VPS13B: variants seen among roughly 807,000 people sequenced by gnomAD.
VPS13B encodes the protein intermembrane lipid transfer protein VPS13B.
A neutral mutation model predicts 426.4 loss-of-function variants in VPS13B; 285 were observed. The ratio of observed to expected loss-of-function variants is 0.67; its 90% CI spans 0.61 to 0.74. VPS13B has a LOEUF of 0.74. VPS13B is among the 30% of genes least tolerant of loss of function. The pLI, the probability that VPS13B is intolerant of heterozygous loss-of-function variation, is 0.00. For synonymous variants in VPS13B, 1,676 were observed against 1,676.4 expected (o/e 1.00, Z 0.01); for missense variants, 4,537 against 4,782.6 (o/e 0.95, Z 1.51).
chr8:99,465,541 A>G (rs533440549), intron 23 of VPS13B, among the ~76,000 whole-genome samples: 20 of 152,162 alleles, frequency 1.3e-4, no homozygotes, highest in Admixed American at 3.9e-4. Context: ...AACAAATTTT[A>G]ATCTGGTCCC....
intron 33 of VPS13B, among the ~76,000 whole-genome samples, chr8:99,583,260 A>C (rs1266513944): frequency 6.6e-6 from 1 of 152,220 alleles, no homozygotes; most frequent in Non-Finnish European, 1.5e-5. Flanking sequence ...TTAGAGAAAA[A>C]TCTAGGGAAC....
At chr8:99,338,588 T>G (rs1294932137) in intron 19 of VPS13B, among the ~76,000 whole-genome samples, 1 of 152,168 alleles carries the variant, frequency 6.6e-6, no homozygotes, top group Non-Finnish European at 1.5e-5. Flanking sequence ...ATATTTAATT[T>G]TAGCTTTTAT....
chr8:99,737,985 G>A (rs1453096425), intron 39 of VPS13B, among the ~76,000 whole-genome samples: 1 of 152,214 alleles, frequency 6.6e-6, no homozygotes. Flanking sequence ...CCAGTGAAGA[G>A]AGATGACCAA....
intron 39 of VPS13B, among the ~76,000 whole-genome samples, chr8:99,721,838 T>C (rs1402858593): frequency 1.3e-5 from 2 of 152,226 alleles, no homozygotes; most frequent in Non-Finnish European, 2.9e-5. Flanking sequence ...CTGATACAAC[T>C]TGAGTTCAAG....
chr8:99,752,078 G>C (rs1371579095), intron 39 of VPS13B, among the ~76,000 whole-genome samples: 1 of 152,104 alleles, frequency 6.6e-6, no homozygotes, highest in Non-Finnish European at 1.5e-5. Context: ...TGGGTTTGTG[G>C]CATGCGCCTG....
At chr8:99,084,026 G>A (rs1460134742) in intron 3 of VPS13B, among the ~76,000 whole-genome samples, 1 of 152,282 alleles carries the variant, frequency 6.6e-6, no homozygotes, top group East Asian at 1.9e-4. Flanking sequence ...AGTTTCAGAA[G>A]GAATGGTACC....
At chr8:99,234,474 G>T in intron 17 of VPS13B, 2 of 552,816 alleles carry the variant, frequency 3.6e-6, no homozygotes, top group East Asian at 4.9e-5. Context: ...CCTCGCCGCC[G>T]CCCCGCCCCG....
chr8:99,434,655 A>C (rs966341491), intron 22 of VPS13B, among the ~76,000 whole-genome samples: 1 of 152,210 alleles, frequency 6.6e-6, no homozygotes, highest in South Asian at 2.1e-4. Flanking sequence ...AGGAGCCAAT[A>C]ATCTTGATTT....
At chr8:99,645,298 A>C (rs2133937134) in intron 34 of VPS13B, among the ~76,000 whole-genome samples, 1 of 152,348 alleles carries the variant, frequency 6.6e-6, no homozygotes, top group Middle Eastern at 3.4e-3. Flanking sequence ...TGGAAATGAA[A>C]AGAGATAATT....
intron 24 of VPS13B, among the ~76,000 whole-genome samples, chr8:99,471,256 A>G (rs1298776228): frequency 6.6e-6 from 1 of 152,132 alleles, no homozygotes; most frequent in East Asian, 1.9e-4. Flanking sequence ...TATATTTTTT[A>G]AAAAACTACT....
rs183566801 is a variant in VPS13B, at chr8:99,169,336, G to A, written c.2209-703G>A. ...AGTTCTCTACAGTATTTCATGTAACGTGATGTTATGTTGTTTCTTTCTATT... is the reference window on the plus strand; with the variant it reads ...AGTTCTCTACAGTATTTCATGTAACATGATGTTATGTTGTTTCTTTCTATT... On this transcript the variant is annotated intron_variant, in intron 15 of 61. Transcript: ENST00000357162. 9.8e-4 allele frequency among the ~76,000 whole-genome samples: 149 copies of A among 152,070 alleles called. No individual in the cohort carries two copies. The East Asian group carries it at 0.011, about 12-fold the overall frequency.
At chr8:99,536,704 C>A (rs781536773) in intron 30 of VPS13B, 1 of 534,412 alleles carries the variant, frequency 1.9e-6, no homozygotes, top group South Asian at 1.4e-5. Flanking sequence ...GTCAGCTTAT[C>A]AAACACACTG....
intron 29 of VPS13B, 140 bp from the exon 30 acceptor site, chr8:99,520,759 A>AT (rs887303910): frequency 3.1e-5 from 20 of 636,302 alleles, no homozygotes; most frequent in East Asian, 2.0e-4. Context: ...TTTAAACATG[A>AT]TTTTTTTTCA....
At chr8:99,821,586 T>C in intron 50 of VPS13B, 104 bp downstream of exon 50, 1 of 1,321,292 alleles carries the variant, frequency 7.6e-7, no homozygotes, top group Non-Finnish European at 1.1e-6. Context: ...TCATATTACT[T>C]CTTCTAAACA....
chr8:99,451,499 T>G (rs1563737334), intron 23 of VPS13B, among the ~76,000 whole-genome samples: 1 of 152,316 alleles, frequency 6.6e-6, no homozygotes, highest in East Asian at 1.9e-4. Context: ...TATTGCTGGC[T>G]ATTGATATCT....
chr8:99,340,868 G>C (rs1811202736), intron 19 of VPS13B: 3 of 314,650 alleles, frequency 9.5e-6, no homozygotes, highest in Non-Finnish European at 1.3e-5. Flanking sequence ...TTTTGTGGGT[G>C]GCTGGTTCAG....
At chr8:99,052,807 G>A (rs963609888) in intron 3 of VPS13B, among the ~76,000 whole-genome samples, 3 of 152,194 alleles carry the variant, frequency 2.0e-5, no homozygotes, top group African/African-American at 7.2e-5. Context: ...AGATTTTCTA[G>A]TTTATTTGCA....
chr8:99,484,172 A>G (rs1369075083), intron 25 of VPS13B, among the ~76,000 whole-genome samples: 5 of 152,112 alleles, frequency 3.3e-5, no homozygotes, highest in Non-Finnish European at 7.4e-5. Context: ...GAAGTTAAGA[A>G]AGGGGAAAAT....
At chr8:99,599,597 A>G (rs1214262449) in intron 33 of VPS13B, among the ~76,000 whole-genome samples, 2 of 152,096 alleles carry the variant, frequency 1.3e-5, no homozygotes, top group Admixed American at 1.3e-4. Context: ...GCTTTTGGTT[A>G]CTATTACATA....
Sources: gnomAD v4.1 joint callset for allele counts (sites outside exome capture counted in the v4.1 genomes callset) on GRCh38, gnomAD v4.1.1 for gene constraint, MANE v1.5 for transcripts, NCBI Gene and HGNC (gene_info 2026-07-23, HGNC 2026-07-21) for gene names.